The following ABLIM1 variants were observed in gnomAD, a reference collection of about 807,000 sequenced individuals.
The protein encoded by ABLIM1 is actin-binding LIM protein 1.
In ABLIM1, 40 loss-of-function variants were observed where a neutral mutation model predicts 107.0. That is an observed-to-expected ratio of 0.37 (90% confidence interval 0.29 to 0.49). ABLIM1 has a LOEUF of 0.49. Ranked by LOEUF, ABLIM1 falls within the 20% of genes least tolerant of loss-of-function variation. ABLIM1 has a pLI of 0.97. For missense variants in ABLIM1, 857 were observed against 1,008.5 expected (o/e 0.85, Z 2.04); for synonymous variants, 357 against 357.3 (o/e 1.00, Z 0.01).
chr10:114,650,792 A>G (rs1351267352), intron 1 of ABLIM1, among the ~76,000 whole-genome samples: 1 of 152,198 alleles, frequency 6.6e-6, no homozygotes, highest in Non-Finnish European at 1.5e-5. Context: ...TTTCCTTTGA[A>G]AACTAATTGT....
At chr10:114,463,431 C>G (rs528062030) in intron 12 of ABLIM1, among the ~76,000 whole-genome samples, 1 of 151,942 alleles carries the variant, frequency 6.6e-6, no homozygotes, top group African/African-American at 2.4e-5. Context: ...AATGGTCACC[C>G]GGATGGTCTC....
chr10:114,732,566 T>C (rs976667493), intron 1 of ABLIM1, among the ~76,000 whole-genome samples: 5 of 152,240 alleles, frequency 3.3e-5, no homozygotes, highest in South Asian at 2.1e-4. Flanking sequence ...CAAAAGATTA[T>C]GATTTTGATG....
intron 1 of ABLIM1, among the ~76,000 whole-genome samples, chr10:114,753,367 T>C (rs571283174): frequency 6.6e-6 from 1 of 152,222 alleles, no homozygotes; most frequent in Non-Finnish European, 1.5e-5. Context: ...AGTTACAGAC[T>C]AATACTTTCG....
chr10:114,635,724 G>A (rs576831229), intron 1 of ABLIM1, among the ~76,000 whole-genome samples: 12 of 152,336 alleles, frequency 7.9e-5, no homozygotes, highest in South Asian at 4.1e-4. Flanking sequence ...GTTTCACCAC[G>A]TTGGCCAGGC....
chr10:114,622,764 T>C (rs1179820881), intron 1 of ABLIM1, among the ~76,000 whole-genome samples: 1 of 152,094 alleles, frequency 6.6e-6, no homozygotes, highest in Non-Finnish European at 1.5e-5. Flanking sequence ...CTCTTCTTCC[T>C]TCTCCTCACC....
chr10:114,461,428 ATTTC>A (rs1430399052), intron 12 of ABLIM1, among the ~76,000 whole-genome samples: 1 of 151,052 alleles, frequency 6.6e-6, no homozygotes, highest in African/African-American at 2.4e-5. Flanking sequence ...AAACAGCATA[ATTTC>A]TTTATGATTT....
chr10:114,561,583 C>T (rs907240326), intron 4 of ABLIM1, among the ~76,000 whole-genome samples: 3 of 152,152 alleles, frequency 2.0e-5, no homozygotes, highest in African/African-American at 7.2e-5. Flanking sequence ...GCTCAAATAT[C>T]CTTCCAGGAA....
chr10:114,611,121 C>T (rs1276820476), intron 1 of ABLIM1, among the ~76,000 whole-genome samples: 2 of 151,298 alleles, frequency 1.3e-5, no homozygotes, highest in South Asian at 2.1e-4. Flanking sequence ...CCACCACACT[C>T]CAGCCTGGGG....
At position 114,761,983 on chromosome 10, in the gene ABLIM1, G is replaced by GCTCTCTCT. The variant is rs144008972; in HGVS notation, c.-213+6070_-213+6077dup. Among the ~76,000 whole-genome samples, 450 of 145,700 alleles carry GCTCTCTCT rather than the reference G, an allele frequency of 3.1e-3. 2 individuals are homozygous for GCTCTCTCT. The highest frequency in any genetic ancestry group is 9.3e-3 in the African/African-American group (365 of 39,250). On this transcript the variant is annotated intron_variant, in intron 1 of 15. Coordinates refer to the ABLIM1 transcript ENST00000651092. The stretch of plus-strand genomic sequence containing the variant: ...CCATAATTCTCACTCTATCCCATAT[G>GCTCTCTCT]CTCTCTCTCTCTCTCTCTCTCTCTC...
At chr10:114,539,956 C>T (rs2066464645) in intron 6 of ABLIM1, among the ~76,000 whole-genome samples, 1 of 152,174 alleles carries the variant, frequency 6.6e-6, no homozygotes, top group Non-Finnish European at 1.5e-5. Context: ...ACTGGAGTAT[C>T]TCACACTAAT....
intron 11 of ABLIM1, among the ~76,000 whole-genome samples, chr10:114,466,994 A>G (rs1169032239): frequency 2.6e-5 from 4 of 152,112 alleles, no homozygotes; most frequent in Non-Finnish European, 5.9e-5. Flanking sequence ...CCCTGTCTCT[A>G]CTAAACATAC....
chr10:114,667,020 C>G (rs952495132), intron 1 of ABLIM1, among the ~76,000 whole-genome samples: 1 of 152,112 alleles, frequency 6.6e-6, no homozygotes, highest in African/African-American at 2.4e-5. Context: ...GCACCACTGT[C>G]CACGTCTCCA....
intron 2 of ABLIM1, among the ~76,000 whole-genome samples, chr10:114,583,460 CACACACACATATAT>C (rs2073789848): frequency 1.1e-3 from 11 of 10,300 alleles, no homozygotes; most frequent in Non-Finnish European, 1.2e-3. Context: ...CACACACACA[CACACACACATATAT>C]ATATATATAT....
intron 1 of ABLIM1, among the ~76,000 whole-genome samples, chr10:114,636,756 G>A (rs991389190): frequency 3.9e-5 from 6 of 152,122 alleles, no homozygotes; most frequent in African/African-American, 1.2e-4. Flanking sequence ...TGCAAGGCTC[G>A]GCGCAGTGGT....
chr10:114,465,780 C>G lies in ABLIM1; in HGVS notation c.1359G>C (p.Gln453His). 1 of 1,614,156 alleles carries G rather than the reference C, an allele frequency of 6.2e-7. No individual in the cohort carries two copies. The highest frequency in any genetic ancestry group is 8.5e-7 in the Non-Finnish European group (1 of 1,180,014). ...TGTACACAGGGGAGTTGATGGAGCC[C>G]TGGCTCGTGGACCGATGGATCATCC... ...RDRMIHRSTSQGSINSPVYSR... is the reference protein window; with the variant it reads ...RDRMIHRSTSHGSINSPVYSR... The change falls in exon 12 of 23, where the codon CAG (glutamine) becomes CAC (histidine). Residue 453 changes from glutamine (Q) to histidine (H), a missense_variant. Gln to His is a conservative substitution (Grantham distance 24). Around this residue, in one of 5 missense-constraint regions of ABLIM1, gnomAD observed 381 missense variants for 506.9 expected, o/e 0.75. Coordinates refer to ENST00000533213, the MANE Select transcript of ABLIM1 (RefSeq NM_002313.7).
chr10:114,599,443 A>T (rs2075770237), intron 2 of ABLIM1, among the ~76,000 whole-genome samples: 1 of 152,186 alleles, frequency 6.6e-6, no homozygotes, highest in African/African-American at 2.4e-5. Flanking sequence ...CCCAGATCTG[A>T]GTCTACTACT....
At chr10:114,644,392 CAT>C (rs1300333749) in intron 1 of ABLIM1, among the ~76,000 whole-genome samples, 1 of 138,764 alleles carries the variant, frequency 7.2e-6, no homozygotes, top group African/African-American at 2.8e-5. Context: ...AGGATAATCA[CAT>C]GGGGTTTTAT....
chr10:114,650,057 A>G (rs2079175432), intron 1 of ABLIM1, among the ~76,000 whole-genome samples: 1 of 151,998 alleles, frequency 6.6e-6, no homozygotes, highest in Non-Finnish European at 1.5e-5. Flanking sequence ...GGGTTTCACT[A>G]TGTTGGCCAG....
Position 114,588,641 on chromosome 10 carries a change from G to A in ABLIM1, c.380-13042C>T, listed in dbSNP as rs186261734. ...TCCTGAGTAGCTGGGACTACAGGCA[G>A]GAACCACCATGCCTGGCTAATTTTT... On this transcript the variant is annotated intron_variant, in intron 2 of 22. Coordinates refer to ENST00000533213, the MANE Select transcript of ABLIM1 (RefSeq NM_002313.7). 2.6e-5 allele frequency among the ~76,000 whole-genome samples: 4 copies of A among 151,268 alleles called. No individual in the cohort carries two copies. The East Asian group carries it at 5.8e-4, about 22-fold the overall frequency.
Sources: gnomAD v4.1 joint callset for allele counts (sites outside exome capture counted in the v4.1 genomes callset) on GRCh38, gnomAD v4.1.1 for gene constraint, gnomAD v4.1.1 regional missense constraint, MANE v1.5 for transcripts, NCBI Gene and HGNC (gene_info 2026-07-23, HGNC 2026-07-21) for gene names.